LYRM9: variants seen among roughly 807,000 people sequenced by gnomAD.
The protein encoded by LYRM9 is LYR motif containing 9.
Under a neutral mutation model 12.6 loss-of-function variants are expected in LYRM9, and 14 were observed. The observed-to-expected ratio is 1.11, with a 90% CI of 0.73 to 1.73. LYRM9 has a LOEUF of 1.73. Ranked by LOEUF, LYRM9 falls within the 40% of genes most tolerant of loss-of-function variation. The pLI is 0.00. For missense variants in LYRM9, 94 were observed against 95.0 expected (o/e 0.99, Z 0.04); for synonymous variants, 42 against 35.1 (o/e 1.20, Z -0.69).
At chr17:27,887,506 CTCG>C (rs1905268255) in intron 1 of LYRM9, among the ~76,000 whole-genome samples, 1 of 152,224 alleles carries the variant, frequency 6.6e-6, no homozygotes, top group East Asian at 1.9e-4. Context: ...CAAGGCCCCT[CTCG>C]ATCTGGCCCC....
In LYRM9 at chr17:27,890,063, G is replaced by A. The variant is rs1465881928; in HGVS notation, c.-19+3254C>T. 2.0e-5 allele frequency among the ~76,000 whole-genome samples: 3 copies of A among 152,320 alleles called. No homozygotes were observed. The East Asian group carries it at 5.8e-4, about 29-fold the overall frequency. The stretch of plus-strand genomic sequence containing the variant: ...AGATGAGGAAACTGAGGCCCTGAGA[G>A]GTTAAGTAATTTGCCAAGAGCAACA... On this transcript the variant is annotated intron_variant, in intron 1 of 3. Transcript: ENST00000379102.
Position 27,879,385 on chromosome 17 carries a change from T to C in LYRM9, c.*88A>G, listed in dbSNP as rs1904958303. ...TCTGGCTTTCAGCCAACAAGGCCAA[T>C]GGCTCTTCCAAACCAGCTGCTGCTG... On this transcript the variant is annotated 3_prime_UTR_variant, in exon 4 of 4. Transcript: ENST00000379102. 1 of 1,433,250 alleles carries C rather than the reference T, an allele frequency of 7.0e-7. No individual in the cohort carries two copies. Among genetic ancestry groups the C allele is most frequent in the African/African-American group, 1.4e-5 (1 of 69,106 alleles). The allele number at this position is 1,433,250 out of a possible 1,614,324, so 88.8% of individuals were successfully genotyped here.
chr17:27,891,340 C>T (rs1055991491), intron 1 of LYRM9, among the ~76,000 whole-genome samples: 1 of 152,166 alleles, frequency 6.6e-6, no homozygotes, highest in African/African-American at 2.4e-5. Context: ...GGACCCTGGA[C>T]GAGTTTCTTA....
intron 2 of LYRM9, 70 bp downstream of exon 2, chr17:27,882,499 T>C (rs1313335348): frequency 1.0e-5 from 15 of 1,459,244 alleles, no homozygotes; most frequent in Non-Finnish European, 1.4e-5. Context: ...GCCCTGGCCT[T>C]GGCCTCTGAC....
At chr17:27,891,696 G>A (rs536211884) in intron 1 of LYRM9, among the ~76,000 whole-genome samples, 68 of 152,300 alleles carry the variant, frequency 4.5e-4, no homozygotes, top group African/African-American at 1.6e-3. Context: ...CGATGTGACA[G>A]AACTTAGAGC....
intron 1 of LYRM9, among the ~76,000 whole-genome samples, chr17:27,890,628 C>T (rs577623120): frequency 3.3e-4 from 50 of 152,254 alleles, no homozygotes; most frequent in Non-Finnish European, 5.9e-4. Flanking sequence ...CCCCACTGTC[C>T]TTTTCCCTAA....
chr17:27,883,649 CAAAAAAA>C (rs747279385), intron 1 of LYRM9, among the ~76,000 whole-genome samples: 24 of 92,678 alleles, frequency 2.6e-4, no homozygotes, highest in African/African-American at 9.4e-4. Context: ...GACTCCAACT[CAAAAAAA>C]AAAAAAAAGA....
chr17:27,889,156 G>C (rs964491070), intron 1 of LYRM9, among the ~76,000 whole-genome samples: 2 of 152,116 alleles, frequency 1.3e-5, no homozygotes, highest in African/African-American at 4.8e-5. Context: ...GTTTGGCCAT[G>C]CTCTGACCAA....
chr17:27,892,146 T>G (rs1271230128), intron 1 of LYRM9: 1 of 184,824 alleles, frequency 5.4e-6, no homozygotes, highest in African/African-American at 2.4e-5. Flanking sequence ...CCCAGGCTGG[T>G]CTCAAAATTC....
intron 1 of LYRM9, among the ~76,000 whole-genome samples, chr17:27,888,644 G>A (rs1315016398): frequency 6.6e-6 from 1 of 152,224 alleles, no homozygotes; most frequent in Non-Finnish European, 1.5e-5. Flanking sequence ...GGAAGATGAA[G>A]AAATGCAGCA....
In LYRM9 at chr17:27,886,009, G is replaced by C. The variant is rs1905221233; in HGVS notation, c.-18-3297C>G. 2.0e-5 allele frequency among the ~76,000 whole-genome samples: 3 copies of C among 152,028 alleles called. No homozygotes were observed. The highest frequency in any genetic ancestry group is 7.3e-5 in the African/African-American group (3 of 41,372). On this transcript the variant is annotated intron_variant, in intron 1 of 3. Coordinates refer to ENST00000379102, the MANE Select transcript of LYRM9 (RefSeq NM_001076680.3). The surrounding 1 kb of genome is among the most constrained non-coding windows in gnomAD (Gnocchi z 4.8). ...TCCGACTCACCACCCAGAAATCAGAGGGGAACCCGTTCAAGGGTGGCCAAG... is the reference window on the plus strand; with the variant it reads ...TCCGACTCACCACCCAGAAATCAGACGGGAACCCGTTCAAGGGTGGCCAAG...
At chr17:27,879,734 T>C in intron 3 of LYRM9, 1 of 550,364 alleles carries the variant, frequency 1.8e-6, no homozygotes, top group Non-Finnish European at 3.2e-6. Context: ...TAACTCACTC[T>C]GGAGAGTGAG....
In LYRM9 at chr17:27,879,106, G is replaced by A. The variant is rs1357025279; in HGVS notation, c.*367C>T. ...AAACCCACGTGCTTTCTTCTGTACA[G>A]GTTGCTACCTGAGGGGACATCTGCT... is the stretch of plus-strand genomic sequence containing the variant. On this transcript the variant is annotated 3_prime_UTR_variant, in exon 4 of 4. Transcript: ENST00000379102. 4.6e-6 allele frequency: 1 copy of A among 216,724 alleles called. No homozygotes were observed. Among genetic ancestry groups the A allele is most frequent in the African/African-American group, 2.4e-5 (1 of 42,392 alleles). The allele number at this position is 216,724 out of a possible 1,614,324, so 13.4% of individuals were successfully genotyped here.
At chr17:27,887,325 A>G (rs1238606288) in intron 1 of LYRM9, among the ~76,000 whole-genome samples, 2 of 151,996 alleles carry the variant, frequency 1.3e-5, no homozygotes, top group African/African-American at 2.4e-5. Flanking sequence ...ATGAGGGGGG[A>G]AAAACACGTT....
At chr17:27,890,215 G>A (rs2142599967) in intron 1 of LYRM9, among the ~76,000 whole-genome samples, 1 of 152,144 alleles carries the variant, frequency 6.6e-6, no homozygotes, top group Middle Eastern at 3.4e-3. Flanking sequence ...ACCAGATCAG[G>A]GCTAAGGACC....
intron 3 of LYRM9, 194 bp from the exon 4 acceptor site, chr17:27,879,684 G>T: frequency 1.7e-6 from 1 of 579,632 alleles, no homozygotes; most frequent in Non-Finnish European, 3.0e-6. Context: ...CTTCTTTAGT[G>T]AAAAAGGAAG....
At chr17:27,882,514 G>A (rs754106738) in intron 2 of LYRM9, 55 bp downstream of exon 2, 17 of 1,485,512 alleles carry the variant, frequency 1.1e-5, no homozygotes, top group East Asian at 7.3e-5. Flanking sequence ...TCTGACCTGC[G>A]CCCCTAAGCC....
intron 1 of LYRM9, among the ~76,000 whole-genome samples, chr17:27,890,933 C>T (rs1046357719): frequency 4.6e-5 from 7 of 152,106 alleles, no homozygotes; most frequent in Admixed American, 4.6e-4. Flanking sequence ...CTGCCTCCCC[C>T]AGTCCCTCTC....
chr17:27,892,369 T>C, intron 1 of LYRM9: 1 of 454,426 alleles, frequency 2.2e-6, no homozygotes, highest in Non-Finnish European at 4.4e-6. Context: ...ATATATACGG[T>C]TATTAGTCAC....
Sources: allele counts gnomAD v4.1 joint callset (sites outside exome capture counted in the v4.1 genomes callset), GRCh38; gene constraint gnomAD v4.1.1; non-coding constraint Gnocchi (gnomAD v3.1); transcripts MANE v1.5; gene names NCBI Gene and HGNC (gene_info 2026-07-23, HGNC 2026-07-21).